ADGRB3: variants seen among roughly 807,000 people sequenced by gnomAD.
ADGRB3 encodes adhesion G protein-coupled receptor B3, also known as brain-specific angiogenesis inhibitor 3.
In ADGRB3, 37 loss-of-function variants were observed where a neutral mutation model predicts 193.4. That is an observed-to-expected ratio of 0.19 (90% CI 0.15 to 0.25). The LOEUF (loss-of-function observed/expected upper bound fraction) is 0.25, where lower values mean the gene tolerates loss of function less well. Ranked by LOEUF, ADGRB3 falls within the 10% of genes least tolerant of loss-of-function variation. The pLI is 1.00. For synonymous variants in ADGRB3, 690 were observed against 644.2 expected (o/e 1.07, Z -1.08); for missense variants, 1,637 against 1,852.9 (o/e 0.88, Z 2.14).
intron 3 of ADGRB3, among the ~76,000 whole-genome samples, chr6:68,796,871 A>C (rs533202224): frequency 1.3e-5 from 2 of 152,280 alleles, no homozygotes; most frequent in Admixed American, 1.3e-4. Context: ...ACTCAGGTAT[A>C]CTTGTCTCTG....
chr6:69,158,129 T>C (rs1017999094), intron 17 of ADGRB3, among the ~76,000 whole-genome samples: 2 of 152,174 alleles, frequency 1.3e-5, no homozygotes, highest in Admixed American at 6.5e-5. Context: ...TAGTAGCATT[T>C]ATGATGATTT....
At chr6:69,080,670 C>G (rs572710998) in intron 17 of ADGRB3, among the ~76,000 whole-genome samples, 1 of 151,788 alleles carries the variant, frequency 6.6e-6, no homozygotes, top group East Asian at 1.9e-4. Flanking sequence ...AAAAAAAAGT[C>G]TGTATTAAAA....
At chr6:69,276,300 A>G (rs1226742323) in intron 20 of ADGRB3, among the ~76,000 whole-genome samples, 1 of 152,216 alleles carries the variant, frequency 6.6e-6, no homozygotes, top group African/African-American at 2.4e-5. Context: ...TAGTATCCAG[A>G]TATCAGCAAA....
chr6:68,703,898 C>T (rs1206823756), intron 3 of ADGRB3, among the ~76,000 whole-genome samples: 1 of 152,160 alleles, frequency 6.6e-6, no homozygotes, highest in African/African-American at 2.4e-5. Flanking sequence ...ACTGGGATTA[C>T]AGGTGTGAGC....
chr6:69,257,812 C>A (rs553181652), intron 20 of ADGRB3, among the ~76,000 whole-genome samples: 37 of 152,260 alleles, frequency 2.4e-4, no homozygotes, highest in African/African-American at 8.7e-4. Context: ...CTTGTAATTT[C>A]TTTTGGTGAT....
At chr6:68,696,154 A>G (rs1191418417) in intron 3 of ADGRB3, among the ~76,000 whole-genome samples, 1 of 152,068 alleles carries the variant, frequency 6.6e-6, no homozygotes, top group East Asian at 1.9e-4. Flanking sequence ...GAATTAGCCA[A>G]GATTAACACT....
intron 3 of ADGRB3, among the ~76,000 whole-genome samples, chr6:68,884,441 GAGTA>G (rs1765844019): frequency 6.6e-6 from 1 of 152,146 alleles, no homozygotes; most frequent in Admixed American, 6.5e-5. Flanking sequence ...GTCTCTCAGA[GAGTA>G]AGAGCTTTAG....
intron 24 of ADGRB3, 55 bp from the exon 25 acceptor site, chr6:69,338,861 T>C: frequency 1.3e-6 from 2 of 1,513,386 alleles, no homozygotes; most frequent in Non-Finnish European, 1.8e-6. Flanking sequence ...AGCAATTTTT[T>C]TTTGGTGACA....
chr6:68,816,563 G>T (rs1049314226), intron 3 of ADGRB3, among the ~76,000 whole-genome samples: 2 of 151,386 alleles, frequency 1.3e-5, no homozygotes, highest in Non-Finnish European at 2.9e-5. Context: ...AATGCCTTTG[G>T]CTCCCAAGCT....
intron 3 of ADGRB3, among the ~76,000 whole-genome samples, chr6:68,930,240 T>G (rs547773187): frequency 6.6e-6 from 1 of 152,050 alleles, no homozygotes; most frequent in Non-Finnish European, 1.5e-5. Flanking sequence ...AAAACAACAG[T>G]TAACACTGTG....
At position 69,153,122 on chromosome 6, in the gene ADGRB3, A is replaced by T. The variant is rs554224534; in HGVS notation, c.2480+77084A>T. Among the ~76,000 whole-genome samples the T allele has an allele frequency of 9.9e-5, 15 of 152,240 alleles. No individual in the cohort carries two copies. The East Asian group carries it at 1.2e-3, about 12-fold the overall frequency. ...ATATTTAAAATGTAGGAAACCTATG[A>T]AACCCTGCATGCAAAACAATTGGAT... On this transcript the variant is annotated intron_variant, in intron 17 of 31. Transcript: ENST00000370598.
chr6:69,090,479 G>A (rs74542056), intron 17 of ADGRB3, among the ~76,000 whole-genome samples: 3,848 of 152,208 alleles, frequency 0.025, 71 homozygotes, highest in Middle Eastern at 0.062. Context: ...TAGTGGATGA[G>A]GACATAGCCA....
chr6:68,722,333 G>T (rs1379051157), intron 3 of ADGRB3, among the ~76,000 whole-genome samples: 1 of 151,692 alleles, frequency 6.6e-6, no homozygotes, highest in Non-Finnish European at 1.5e-5. Context: ...TGCGGGGCGG[G>T]GGTTGTGTAG....
chr6:69,229,197 C>T (rs207467141), intron 17 of ADGRB3, among the ~76,000 whole-genome samples: 63 of 152,080 alleles, frequency 4.1e-4, no homozygotes, highest in Non-Finnish European at 5.6e-4. Flanking sequence ...TAGAAATTAA[C>T]GTCGAAGAGT....
At chr6:69,371,164 T>C (rs1769698399) in intron 29 of ADGRB3, among the ~76,000 whole-genome samples, 1 of 152,130 alleles carries the variant, frequency 6.6e-6, no homozygotes, top group Non-Finnish European at 1.5e-5. Flanking sequence ...ATTTCAGGAA[T>C]TTTTCACTTA....
chr6:69,114,579 T>C (rs1207703400), intron 17 of ADGRB3, among the ~76,000 whole-genome samples: 2 of 152,222 alleles, frequency 1.3e-5, no homozygotes, highest in Non-Finnish European at 2.9e-5. Context: ...ATGAAAGTCT[T>C]TGCCCATGCC....
At chr6:68,906,977 A>C (rs1404050574) in intron 3 of ADGRB3, among the ~76,000 whole-genome samples, 5 of 151,920 alleles carry the variant, frequency 3.3e-5, no homozygotes, top group Non-Finnish European at 7.4e-5. Context: ...CTGCCACTTA[A>C]CTGTGAGACA....
At chr6:68,950,358 T>C (rs186864695) in intron 6 of ADGRB3, among the ~76,000 whole-genome samples, 75 of 152,320 alleles carry the variant, frequency 4.9e-4, no homozygotes, top group African/African-American at 1.7e-3. Flanking sequence ...GATTCTGACC[T>C]GGCTACATAT....
At chr6:69,102,101 C>G (rs1773074680) in intron 17 of ADGRB3, among the ~76,000 whole-genome samples, 2 of 149,830 alleles carry the variant, frequency 1.3e-5, no homozygotes, top group Admixed American at 1.3e-4. Flanking sequence ...TGGCGTGAAC[C>G]CGGGAGGCGG....
Sources: allele counts gnomAD v4.1 joint callset (sites outside exome capture counted in the v4.1 genomes callset), GRCh38; gene constraint gnomAD v4.1.1; transcripts MANE v1.5; gene names NCBI Gene and HGNC (gene_info 2026-07-23, HGNC 2026-07-21).